Variants in OPHN1 observed in about 807,000 individuals in gnomAD.
OPHN1 encodes the protein oligophrenin 1.
In OPHN1, 11 loss-of-function variants were observed where a neutral mutation model predicts 60.7. The ratio of observed to expected loss-of-function variants is 0.18; its 90% CI spans 0.11 to 0.30. The LOEUF is 0.30. Ranked by LOEUF, OPHN1 falls within the 10% of genes least tolerant of loss-of-function variation. OPHN1 has a pLI of 1.00. For synonymous variants in OPHN1, 226 were observed against 222.6 expected, an observed-to-expected ratio of 1.02 and a Z score of -0.14; for missense variants, 449 against 611.0, an observed-to-expected ratio of 0.73 and a Z score of 2.80.
At chrX:68,283,995 G>A (rs916805274) in intron 3 of OPHN1, among the ~76,000 whole-genome samples, 2 of 111,236 alleles carry the variant, frequency 1.8e-5, no homozygotes, top group African/African-American at 6.5e-5. Flanking sequence ...TTCATTCAGA[G>A]CTCAACCGTA....
At chrX:68,171,249 C>T (rs1423111520) in intron 15 of OPHN1, among the ~76,000 whole-genome samples, 3 of 109,106 alleles carry the variant, frequency 2.7e-5, no homozygotes, top group African/African-American at 1.0e-4. Context: ...ATATATATAC[C>T]TACTATGTAC....
At chrX:68,245,518 C>T (rs2077801400) in intron 5 of OPHN1, among the ~76,000 whole-genome samples, 1 of 111,571 alleles carries the variant, frequency 9.0e-6, no homozygotes, top group Non-Finnish European at 1.9e-5. Context: ...ATAGGTCTAC[C>T]TTGGCTCTAG....
chrX:68,390,415 A>G (rs1489383448), intron 2 of OPHN1, among the ~76,000 whole-genome samples: 2 of 110,933 alleles, frequency 1.8e-5, no homozygotes, highest in African/African-American at 6.6e-5. Context: ...CCTAAGAAAC[A>G]TGGCAAAACC....
intron 2 of OPHN1, among the ~76,000 whole-genome samples, chrX:68,379,906 T>C (rs1049296317): frequency 9.1e-6 from 1 of 109,422 alleles, no homozygotes; most frequent in Non-Finnish European, 1.9e-5. Context: ...GTTGTGTCTC[T>C]GCCCGGCTTT....
intron 7 of OPHN1, among the ~76,000 whole-genome samples, chrX:68,213,134 C>T (rs2077592230): frequency 8.9e-6 from 1 of 112,051 alleles, no homozygotes; most frequent in African/African-American, 3.2e-5. Flanking sequence ...TTTGGGAAGC[C>T]AAGGCAGGGG....
At chrX:68,298,220 G>A (rs755228263) in intron 3 of OPHN1, among the ~76,000 whole-genome samples, 49 of 111,515 alleles carry the variant, frequency 4.4e-4, no homozygotes, top group Admixed American at 5.8e-4. Flanking sequence ...TTTAGGCTTT[G>A]AGGACCATCC....
chrX:68,249,981 T>C (rs1387810701), intron 5 of OPHN1, among the ~76,000 whole-genome samples: 1 of 112,139 alleles, frequency 8.9e-6, no homozygotes, highest in African/African-American at 3.2e-5. Context: ...TTCAACACTA[T>C]ATACAAAATT....
chrX:68,075,578 G>A (rs1339768027), intron 19 of OPHN1, among the ~76,000 whole-genome samples: 1 of 110,768 alleles, frequency 9.0e-6, no homozygotes, highest in Admixed American at 9.6e-5. Context: ...AACACTACCT[G>A]ATTTCAAGTC....
chrX:68,226,160 TGAGAA>T (rs1191530952), intron 6 of OPHN1, among the ~76,000 whole-genome samples: 7 of 110,666 alleles, frequency 6.3e-5, no homozygotes, highest in Admixed American at 5.8e-4. Flanking sequence ...TGAAATGAAG[TGAGAA>T]GAGAAGTTTA....
At chrX:68,192,559 A>G (rs941740410) in intron 15 of OPHN1, among the ~76,000 whole-genome samples, 6 of 111,922 alleles carry the variant, frequency 5.4e-5, no homozygotes, top group African/African-American at 2.0e-4. Context: ...GAAAGTTTCA[A>G]AAAAGAGAAA....
intron 2 of OPHN1, among the ~76,000 whole-genome samples, chrX:68,380,210 T>A (rs1298134425): frequency 8.9e-6 from 1 of 111,836 alleles, no homozygotes; most frequent in African/African-American, 3.2e-5. Flanking sequence ...TTCTAGTTTA[T>A]TTGCATAGAG....
At chrX:68,402,364 GAGAAGA>G (rs994120939) in intron 2 of OPHN1, among the ~76,000 whole-genome samples, 5 of 95,020 alleles carry the variant, frequency 5.3e-5, no homozygotes, top group East Asian at 3.7e-4. Flanking sequence ...GAAGGAGAAG[GAGAAGA>G]AGAAGAAGAA....
At chrX:68,266,252 G>GA (rs2077925881) in intron 5 of OPHN1, among the ~76,000 whole-genome samples, 1 of 111,356 alleles carries the variant, frequency 9.0e-6, no homozygotes. Context: ...TCACATGAAG[G>GA]AAAAAATGTT....
chrX:68,077,497 T>A (rs1180292918), intron 19 of OPHN1, among the ~76,000 whole-genome samples: 1 of 112,164 alleles, frequency 8.9e-6, no homozygotes, highest in African/African-American at 3.2e-5. Context: ...TGTTAAAAGG[T>A]GGTGATGTAG....
intron 7 of OPHN1, 116 bp downstream of exon 7, chrX:68,213,746 A>C (rs956577724): frequency 3.8e-6 from 2 of 524,950 alleles, no homozygotes; most frequent in Non-Finnish European, 6.7e-6. Context: ...CGTTCTAGAC[A>C]TTTCCACTGA....
intron 2 of OPHN1, among the ~76,000 whole-genome samples, chrX:68,304,666 T>C (rs769670566): frequency 3.9e-4 from 43 of 111,651 alleles, no homozygotes; most frequent in Non-Finnish European, 6.9e-4. Flanking sequence ...TTAAAAAGAC[T>C]GAATCTCTAT....
intron 9 of OPHN1, among the ~76,000 whole-genome samples, chrX:68,207,435 G>A (rs979435389): frequency 2.9e-4 from 32 of 110,687 alleles, no homozygotes; most frequent in Non-Finnish European, 5.1e-4. Flanking sequence ...TGGGCCCAGT[G>A]TCTTATTTTG....
intron 15 of OPHN1, among the ~76,000 whole-genome samples, chrX:68,169,135 AACAG>A (rs1296038756): frequency 1.8e-5 from 2 of 111,464 alleles, no homozygotes; most frequent in African/African-American, 6.5e-5. Flanking sequence ...ATACACCAAT[AACAG>A]ACAAACAGAG....
chrX:68,072,444 G>A (rs1246076633), intron 20 of OPHN1, among the ~76,000 whole-genome samples: 1 of 111,841 alleles, frequency 8.9e-6, no homozygotes, highest in Non-Finnish European at 1.9e-5. Context: ...AGAAGACTGA[G>A]ATGGATTATC....
Sources: allele counts gnomAD v4.1 joint callset (sites outside exome capture counted in the v4.1 genomes callset), GRCh38; gene constraint gnomAD v4.1.1; transcripts MANE v1.5; gene names NCBI Gene and HGNC (gene_info 2026-07-23, HGNC 2026-07-21).